Variants in ZNF138 observed in about 807,000 individuals in gnomAD.
The protein encoded by ZNF138 is zinc finger protein 138, also known as zinc finger protein 138 (clone pHZ-32).
Under a neutral mutation model 33.0 loss-of-function variants are expected in ZNF138, and 33 were observed. The ratio of observed to expected loss-of-function variants is 1.00; its 90% confidence interval spans 0.76 to 1.34. The LOEUF is 1.34. Ranked by LOEUF, ZNF138 falls within the 40% of genes most tolerant of loss-of-function variation. The pLI is 0.00. For synonymous variants in ZNF138, 139 were observed against 120.4 expected (o/e 1.15, Z -1.01); for missense variants, 360 against 370.8 (o/e 0.97, Z 0.24).
At chr7:64,797,629 C>T (rs1466826962) in intron 1 of ZNF138, among the ~76,000 whole-genome samples, 1 of 151,992 alleles carries the variant, frequency 6.6e-6, no homozygotes, top group Non-Finnish European at 1.5e-5. Context: ...GCTACAGAGC[C>T]CTGGAAAACT....
At chr7:64,844,092 G>A in the ZNF138 span, among the ~76,000 whole-genome samples, 1 of 152,106 alleles carries the variant, frequency 6.6e-6, no homozygotes, top group Non-Finnish European at 1.5e-5. Context: ...CAAAGTGCTG[G>A]GATTACAGGC....
intron 2 of ZNF138, 93 bp from the exon 3 acceptor site, chr7:64,815,483 A>C: frequency 9.3e-7 from 1 of 1,075,592 alleles, no homozygotes; most frequent in Non-Finnish European, 1.4e-6. Context: ...CATTCTCTTT[A>C]CTGAGCACAT....
chr7:64,798,633 G>A (rs1378321998), intron 1 of ZNF138, among the ~76,000 whole-genome samples: 1 of 152,098 alleles, frequency 6.6e-6, no homozygotes, highest in Admixed American at 6.6e-5. Flanking sequence ...AAAAAAAATA[G>A]TCGGACATGG....
At chr7:64,817,087 G>A (rs894276806) in intron 3 of ZNF138, among the ~76,000 whole-genome samples, 4 of 152,214 alleles carry the variant, frequency 2.6e-5, no homozygotes, top group African/African-American at 9.6e-5. Context: ...GATGAGTATG[G>A]CTTTCACTGA....
chr7:64,849,963 G>C, the ZNF138 span, among the ~76,000 whole-genome samples: 1 of 152,148 alleles, frequency 6.6e-6, no homozygotes, highest in African/African-American at 2.4e-5. Flanking sequence ...CGAATTTCTG[G>C]TCAGGAGACT....
downstream of ZNF138, among the ~76,000 whole-genome samples, chr7:64,838,403 G>T (rs1227796001): frequency 2.4e-4 from 1 of 4,224 alleles, no homozygotes; most frequent in East Asian, 0.5. Flanking sequence ...GTTGGCTAGG[G>T]CACCGGCTGG....
the ZNF138 span, among the ~76,000 whole-genome samples, chr7:64,859,397 C>A: frequency 6.6e-6 from 1 of 152,074 alleles, no homozygotes; most frequent in Non-Finnish European, 1.5e-5. Context: ...GTAACCTGTT[C>A]ATGTCTATGT....
At chr7:64,846,895 A>C in the ZNF138 span, among the ~76,000 whole-genome samples, 1 of 152,100 alleles carries the variant, frequency 6.6e-6, no homozygotes, top group African/African-American at 2.4e-5. Flanking sequence ...CTGGCAGTAG[A>C]TTTGTCATAG....
chr7:64,823,805 G>A (rs1789360990), intron 3 of ZNF138, among the ~76,000 whole-genome samples: 1 of 152,160 alleles, frequency 6.6e-6, no homozygotes, highest in Non-Finnish European at 1.5e-5. Context: ...GGGCGTGGTG[G>A]CACGCGCCTG....
At chr7:64,844,677 G>A in the ZNF138 span, among the ~76,000 whole-genome samples, 1 of 125,078 alleles carries the variant, frequency 8.0e-6, no homozygotes, top group Non-Finnish European at 1.8e-5. Context: ...GTGTTTTTTT[G>A]TTTTGTTTTG....
chr7:64,812,998 A>G (rs1263076250), intron 1 of ZNF138, among the ~76,000 whole-genome samples: 1 of 152,106 alleles, frequency 6.6e-6, no homozygotes, highest in Non-Finnish European at 1.5e-5. Flanking sequence ...AACTACTTTT[A>G]AAAATTCTTA....
the ZNF138 span, among the ~76,000 whole-genome samples, chr7:64,860,106 C>T: frequency 2.0e-5 from 3 of 152,144 alleles, no homozygotes; most frequent in African/African-American, 7.2e-5. Context: ...CACTGCACTT[C>T]AGCCTGGTGA....
intron 3 of ZNF138, among the ~76,000 whole-genome samples, chr7:64,822,179 A>T (rs1191780545): frequency 6.6e-6 from 1 of 151,490 alleles, no homozygotes; most frequent in Non-Finnish European, 1.5e-5. Flanking sequence ...TTGGCCTCCC[A>T]AAGTGCTGGG....
chr7:64,816,100 A>G (rs1448232786), intron 3 of ZNF138, among the ~76,000 whole-genome samples: 1 of 151,852 alleles, frequency 6.6e-6, no homozygotes, highest in Non-Finnish European at 1.5e-5. Context: ...TTTTTATTAT[A>G]GTTTTAAAAT....
chr7:64,815,743 A>AT, intron 3 of ZNF138, 90 bp downstream of exon 3: 1 of 1,198,426 alleles, frequency 8.3e-7, no homozygotes, highest in Non-Finnish European at 1.2e-6. Context: ...GGAAATCTGT[A>AT]TTCCAAAGGA....
chr7:64,833,892 G>A (rs1790286372), downstream of ZNF138, among the ~76,000 whole-genome samples: 1 of 152,034 alleles, frequency 6.6e-6, no homozygotes, highest in Non-Finnish European at 1.5e-5. Flanking sequence ...GCCCGGCTAA[G>A]TTTTGTATTT....
chr7:64,821,894 CAT>C (rs1257952785), intron 3 of ZNF138, among the ~76,000 whole-genome samples: 3 of 146,188 alleles, frequency 2.1e-5, no homozygotes, highest in Non-Finnish European at 4.5e-5. Context: ...ACTCCTATCA[CAT>C]GTGATTTGCA....
chr7:64,853,131 G>A, the ZNF138 span: 2 of 1,445,660 alleles, frequency 1.4e-6, no homozygotes, highest in Non-Finnish European at 1.9e-6. Flanking sequence ...AGCCCACCGT[G>A]TCTCAAAGGA....
At chr7:64,852,607 G>A in the ZNF138 span, 12 of 1,513,886 alleles carry the variant, frequency 7.9e-6, no homozygotes, top group South Asian at 2.2e-5. Flanking sequence ...TCAGAAGCCC[G>A]CCTGTCCTGT....
Sources: allele counts gnomAD v4.1 joint callset (sites outside exome capture counted in the v4.1 genomes callset), GRCh38; gene constraint gnomAD v4.1.1; transcripts MANE v1.5; gene names NCBI Gene and HGNC (gene_info 2026-07-23, HGNC 2026-07-21).